NEK4: variants seen among roughly 807,000 people sequenced by gnomAD.
The protein encoded by NEK4 is NIMA related kinase 4.
Under a neutral mutation model 98.4 loss-of-function variants are expected in NEK4, and 86 were observed. That is an observed-to-expected ratio of 0.87 (90% CI 0.73 to 1.05). The LOEUF (loss-of-function observed/expected upper bound fraction) is 1.05, where lower values mean the gene tolerates loss of function less well. NEK4 is among the 50% of genes least tolerant of loss of function. The probability of loss-of-function intolerance (pLI) is 0.00; values close to 1 mark genes in which losing one functional copy is unlikely to be tolerated. For missense variants in NEK4, 898 were observed against 950.3 expected, an observed-to-expected ratio of 0.94 and a Z score of 0.72; for synonymous variants, 328 against 342.2, an observed-to-expected ratio of 0.96 and a Z score of 0.46.
chr3:52,726,459 C>A (rs2097364671), intron 15 of NEK4, among the ~76,000 whole-genome samples: 1 of 151,906 alleles, frequency 6.6e-6, no homozygotes, highest in South Asian at 2.1e-4. Flanking sequence ...ATTAGCTGGG[C>A]ATGGTGGCGG....
chr3:52,764,397 C>G (rs1010129775), intron 4 of NEK4, among the ~76,000 whole-genome samples: 1 of 151,514 alleles, frequency 6.6e-6, no homozygotes, highest in Non-Finnish European at 1.5e-5. Flanking sequence ...CTTGGGAGGC[C>G]GAGGCGGGTG....
chr3:52,756,236 T>C (rs1002844660), intron 6 of NEK4, among the ~76,000 whole-genome samples: 33 of 152,088 alleles, frequency 2.2e-4, no homozygotes, highest in Non-Finnish European at 4.1e-4. Flanking sequence ...TTTGGAAAAA[T>C]AGAAAAATCC....
intron 15 of NEK4, among the ~76,000 whole-genome samples, chr3:52,720,281 C>T (rs986742938): frequency 1.3e-5 from 2 of 151,706 alleles, no homozygotes; most frequent in Admixed American, 6.6e-5. Context: ...GAGCTGAGAT[C>T]GCACCACTGC....
chr3:52,716,417 A>G (rs1318601381), intron 15 of NEK4, among the ~76,000 whole-genome samples: 2 of 152,222 alleles, frequency 1.3e-5, no homozygotes, highest in Non-Finnish European at 2.9e-5. Context: ...AATTTCCCAA[A>G]GAGGCCAGTT....
rs2097385792 is a variant in NEK4, at chr3:52,741,382, T to C, written c.2093+29A>G. The C allele has an allele frequency of 2.3e-6, 3 of 1,295,830 alleles. No homozygotes were observed. In the African/African-American group the frequency reaches 4.4e-5, roughly 19 times the overall value. The allele number at this position is 1,295,830 out of a possible 1,614,324, so 80.3% of individuals were successfully genotyped here. ...TATTCATTAAAACAGAAATAGTTTA[T>C]AAAGGGAGACAGAAAAACAAGAACT... On this transcript the variant is annotated intron_variant, in intron 13 of 15. Coordinates refer to ENST00000233027, the MANE Select transcript of NEK4 (RefSeq NM_003157.6).
intron 6 of NEK4, among the ~76,000 whole-genome samples, chr3:52,754,998 C>T (rs2097412399): frequency 2.0e-5 from 3 of 149,752 alleles, no homozygotes; most frequent in Admixed American, 6.7e-5. Context: ...GGCGTGAACC[C>T]GGGAGGCAGA....
At chr3:52,762,653 T>C (rs2154106542) in intron 5 of NEK4, among the ~76,000 whole-genome samples, 1 of 152,240 alleles carries the variant, frequency 6.6e-6, no homozygotes, top group African/African-American at 2.4e-5. Context: ...GAGGCCGAGG[T>C]GGGCGGACCA....
intron 15 of NEK4, among the ~76,000 whole-genome samples, chr3:52,729,709 CAAAA>C: frequency 2.7e-5 from 1 of 36,654 alleles, no homozygotes; most frequent in South Asian, 8.2e-4. Context: ...CTCTGTGTCT[CAAAA>C]AAAAAAAAAA....
At chr3:52,714,410 G>A (rs1445388605) in intron 15 of NEK4, among the ~76,000 whole-genome samples, 1 of 152,226 alleles carries the variant, frequency 6.6e-6, no homozygotes, top group African/African-American at 2.4e-5. Flanking sequence ...GTGATGGCAG[G>A]AGCAGCTGCA....
At position 52,743,395 on chromosome 3, in the gene NEK4, G is replaced by C. The variant is rs1247866279; in HGVS notation, c.1961C>G (p.Pro654Arg). Residue 654 changes from proline (P) to arginine (R), a missense_variant, in exon 12 of 16, where the codon CCC (proline) becomes CGC (arginine). Physicochemically the swap from Pro to Arg is moderately radical, Grantham distance 103. Transcript: ENST00000233027. ...GPGKPQEEDQ[P>R]LPARRLSSDC... Reference sequence around the variant, plus strand: ...AGAGGAGAGCCGTCGGGCAGGCAAGGGCTGGTCTTCTTCCTGGGGTTTTCC... The same window carrying C: ...AGAGGAGAGCCGTCGGGCAGGCAAGCGCTGGTCTTCTTCCTGGGGTTTTCC... 6.2e-7 allele frequency: 1 copy of C among 1,614,144 alleles called. No individual in the cohort carries two copies. The highest frequency in any genetic ancestry group is 8.5e-7 in the Non-Finnish European group (1 of 1,180,024).
At chr3:52,741,236 CAAAAAAA>C (rs35123782) in intron 13 of NEK4, among the ~76,000 whole-genome samples, 168 bp downstream of exon 13, 2 of 59,602 alleles carry the variant, frequency 3.4e-5, no homozygotes, top group Admixed American at 1.9e-4. Flanking sequence ...AACTCCGTCT[CAAAAAAA>C]AAAAAAAAAA....
chr3:52,752,832 G>A (rs1310009127), intron 6 of NEK4, among the ~76,000 whole-genome samples: 5 of 146,360 alleles, frequency 3.4e-5, no homozygotes, highest in Admixed American at 1.4e-4. Flanking sequence ...CCTAGGAGGC[G>A]GAGGTTGTAG....
chr3:52,743,519 G>A lies in NEK4; in HGVS notation c.1895-58C>T, dbSNP rs550865201. 9.6e-6 allele frequency: 13 copies of A among 1,350,750 alleles called. No homozygotes were observed. In the South Asian group the frequency reaches 1.5e-4, roughly 16 times the overall value. The allele number at this position is 1,350,750 out of a possible 1,614,324, so 83.7% of individuals were successfully genotyped here. On this transcript the variant is annotated intron_variant, in intron 11 of 15. Coordinates refer to ENST00000233027, the MANE Select transcript of NEK4 (RefSeq NM_003157.6). Reference sequence around the variant, plus strand: ...TGGTGGGCTGCCCCAGTTGAAAAGGGCTTTGTATTTGGTATGGAACATACC... The same window carrying A: ...TGGTGGGCTGCCCCAGTTGAAAAGGACTTTGTATTTGGTATGGAACATACC...
rs1378483096 is a variant in NEK4 at position 52,746,761 on chromosome 3, CT to C, written c.1649del (p.Lys550ArgfsTer48). 4 of 1,613,860 alleles carry C rather than the reference CT, an allele frequency of 2.5e-6. No individual in the cohort carries two copies. Among genetic ancestry groups the C allele is most frequent in the Non-Finnish European group, 3.4e-6 (4 of 1,179,938 alleles). On this transcript the variant is annotated frameshift_variant, in exon 9 of 16. Transcript: ENST00000233027. LOFTEE classifies it high-confidence loss of function. ...RREQTEHRGE[K>X]RQVRRDLFAF... is the part of the protein sequence containing the mutation. ...CAAAGAGATCTCTGCGGACCTGTCT[CT>C]TTTCCCCTCTGTGCTCAGTCTGTTC...
At chr3:52,736,564 T>C (rs553693087) in intron 15 of NEK4, among the ~76,000 whole-genome samples, 64 of 149,564 alleles carry the variant, frequency 4.3e-4, no homozygotes, top group Admixed American at 2.2e-3. Flanking sequence ...CCAGCCTAGG[T>C]GACAGAGCGA....
intron 15 of NEK4, among the ~76,000 whole-genome samples, chr3:52,732,067 T>C (rs371034330): frequency 6.6e-5 from 10 of 152,314 alleles, no homozygotes; most frequent in African/African-American, 2.4e-4. Flanking sequence ...GAACCATGAG[T>C]CAATTAATCC....
intron 5 of NEK4, among the ~76,000 whole-genome samples, chr3:52,762,123 C>G (rs1226451802): frequency 1.3e-5 from 2 of 152,192 alleles, no homozygotes; most frequent in African/African-American, 4.8e-5. Flanking sequence ...AGAAGCCAAA[C>G]AGATTGTAAT....
At chr3:52,758,142 G>A (rs1218324395) in intron 6 of NEK4, among the ~76,000 whole-genome samples, 4 of 129,592 alleles carry the variant, frequency 3.1e-5, no homozygotes, top group African/African-American at 1.2e-4. Context: ...TCATGCCACT[G>A]CACTCCAGCC....
rs1042710549 is a variant in NEK4 at position 52,745,308 on chromosome 3, C to T, written c.1827+753G>A. Among the ~76,000 whole-genome samples the T allele has an allele frequency of 9.3e-5, 14 of 151,334 alleles. No homozygotes were observed. In the East Asian group the frequency reaches 2.6e-3, roughly 28 times the overall value. The stretch of plus-strand genomic sequence containing the variant: ...TCAAAGATTCTGCTGAGGCCGGGTG[C>T]GGTGGTTCATACCTGTAATCCTAGC... On this transcript the variant is annotated intron_variant, in intron 10 of 15. Coordinates refer to ENST00000233027, the MANE Select transcript of NEK4 (RefSeq NM_003157.6).
Sources: gnomAD v4.1 joint callset for allele counts (sites outside exome capture counted in the v4.1 genomes callset) on GRCh38, gnomAD v4.1.1 for gene constraint, MANE v1.5 for transcripts, NCBI Gene and HGNC (gene_info 2026-07-23, HGNC 2026-07-21) for gene names.